Variants in SLCO1B3 observed in about 807,000 individuals in gnomAD.
SLCO1B3 encodes the protein liver-specific organic anion transporter 2.
SLCO1B3 carries 72 observed loss-of-function variants against 71.8 expected under a neutral mutation model. The ratio of observed to expected loss-of-function variants is 1.00; its 90% CI spans 0.83 to 1.22. The LOEUF is 1.22. Among genes scored for constraint, SLCO1B3 ranks in the 50% most tolerant of loss-of-function variants. The probability of loss-of-function intolerance (pLI) is 0.00; values close to 1 mark genes in which losing one functional copy is unlikely to be tolerated. For synonymous variants in SLCO1B3, 298 were observed against 278.4 expected (o/e 1.07, Z -0.70); for missense variants, 911 against 819.7 (o/e 1.11, Z -1.36).
At chr12:20,811,628 C>T (rs933416890) in intron 1 of SLCO1B3, among the ~76,000 whole-genome samples, 2 of 152,172 alleles carry the variant, frequency 1.3e-5, no homozygotes, top group Non-Finnish European at 2.9e-5. Flanking sequence ...CTGCCCTCTA[C>T]TTCAGCCCAA....
rs1246278518 is a variant in SLCO1B3 at position 20,882,031 on chromosome 12, G to A, written c.1497+1011G>A. Among the ~76,000 whole-genome samples the A allele has an allele frequency of 2.0e-5, 3 of 152,232 alleles. No homozygotes were observed. The South Asian group carries it at 6.2e-4, about 32-fold the overall frequency. ...TAAACTTGCACATTTGTGGCCCAAAGACTATACTTAAAAGCCCACATCTCA... is the reference window on the plus strand; with the variant it reads ...TAAACTTGCACATTTGTGGCCCAAAAACTATACTTAAAAGCCCACATCTCA... On this transcript the variant is annotated intron_variant, in intron 12 of 15. Transcript: ENST00000381545.
chr12:20,820,388 C>T (rs939689526), intron 3 of SLCO1B3, among the ~76,000 whole-genome samples: 1 of 152,132 alleles, frequency 6.6e-6, no homozygotes, highest in Admixed American at 6.5e-5. Flanking sequence ...GGGTCCCACA[C>T]AGATGGGACA....
At chr12:20,833,172 G>A (rs1007695245) in intron 3 of SLCO1B3, among the ~76,000 whole-genome samples, 1 of 152,058 alleles carries the variant, frequency 6.6e-6, no homozygotes, top group Non-Finnish European at 1.5e-5. Flanking sequence ...CACATTTAAA[G>A]GAGCCTTGTG....
intron 13 of SLCO1B3, among the ~76,000 whole-genome samples, chr12:20,895,999 C>A (rs1865998921): frequency 1.3e-5 from 2 of 152,196 alleles, no homozygotes; most frequent in African/African-American, 4.8e-5. Context: ...AGGCACAGCC[C>A]AAGCTCTACA....
Position 20,879,399 on chromosome 12 carries a change from G to C in SLCO1B3, c.1136-37G>C, listed in dbSNP as rs368041691. 1.6e-5 allele frequency: 22 copies of C among 1,396,946 alleles called. No individual in the cohort carries two copies. In the South Asian group the frequency reaches 2.5e-4, roughly 16 times the overall value. 86.5% of individuals were successfully genotyped at this position (1,396,946 alleles called of 1,614,324 possible). A position where few individuals can be genotyped will look rare whatever the true frequency, so the allele number is the denominator to read the frequency against. On this transcript the variant is annotated intron_variant, in intron 10 of 15. Coordinates refer to ENST00000381545, the MANE Select transcript of SLCO1B3 (RefSeq NM_019844.4). The stretch of plus-strand genomic sequence containing the variant: ...AAGACATATCAGAAAAACCATATTT[G>C]TATAATTATAGCTTTTTTCTCTTCT...
At chr12:20,885,421 G>T (rs1865774644) in intron 13 of SLCO1B3, among the ~76,000 whole-genome samples, 2 of 151,974 alleles carry the variant, frequency 1.3e-5, no homozygotes, top group Admixed American at 1.3e-4. Context: ...GCATCCAGTG[G>T]GGATAGGGTA....
intron 13 of SLCO1B3, among the ~76,000 whole-genome samples, chr12:20,884,368 G>T (rs1315642185): frequency 6.6e-6 from 1 of 152,040 alleles, no homozygotes; most frequent in Non-Finnish European, 1.5e-5. Context: ...GGGATGTGAG[G>T]GGAAAGACTC....
intron 12 of SLCO1B3, among the ~76,000 whole-genome samples, chr12:20,881,966 A>C (rs1231355760): frequency 2.6e-5 from 4 of 152,214 alleles, no homozygotes; most frequent in Non-Finnish European, 5.9e-5. Flanking sequence ...TTTGAAGAAT[A>C]AAGCCTCCTA....
intron 3 of SLCO1B3, among the ~76,000 whole-genome samples, chr12:20,821,646 C>T (rs1274413958): frequency 2.6e-5 from 4 of 152,118 alleles, no homozygotes; most frequent in East Asian, 3.9e-4. Context: ...GGGTACTTGC[C>T]CCTCCCCCAG....
chr12:20,901,446 T>G lies in SLCO1B3; in HGVS notation c.1844T>G (p.Ile615Arg). 6.5e-7 allele frequency: 1 copy of G among 1,541,980 alleles called. No homozygotes were observed. ...NSCGAQGACR[I>R]YNSVFFGRVY... ...TGTGGAGCACAAGGGGCTTGTAGGA[T>G]ATATAATTCCGTATTTTTTGGGTAA... Residue 615 changes from isoleucine (I) to arginine (R), a missense_variant, in exon 15 of 16, where the codon ATA becomes AGA. By Grantham distance (97) the Ile-to-Arg change is moderately conservative (BLOSUM62 -3). Coordinates refer to ENST00000381545, the MANE Select transcript of SLCO1B3 (RefSeq NM_019844.4).
chr12:20,895,115 C>G (rs148787693), intron 13 of SLCO1B3, among the ~76,000 whole-genome samples: 2 of 152,308 alleles, frequency 1.3e-5, no homozygotes, highest in Non-Finnish European at 2.9e-5. Flanking sequence ...CCTCCAACAA[C>G]ACGTGGGAAT....
Position 20,862,426 on chromosome 12 carries a change from T to G in SLCO1B3, c.496T>G (p.Ser166Ala). ...EIVEKDCVKE[S>A]GSHMWIYVFM... The stretch of plus-strand genomic sequence containing the variant: ...TGTCTCGATAGATTGTGTAAAGGAA[T>G]CTGGGTCACACATGTGGATCTATGT... The change falls in exon 7 of 16, where the codon TCT (serine) becomes GCT (alanine). Residue 166 changes from serine to alanine, a missense_variant. Coordinates refer to ENST00000381545, the MANE Select transcript of SLCO1B3 (RefSeq NM_019844.4). The G allele has an allele frequency of 1.2e-6, 2 of 1,611,710 alleles. No homozygotes were observed. Among genetic ancestry groups the G allele is most frequent in the Non-Finnish European group, 1.7e-6 (2 of 1,179,096 alleles).
chr12:20,833,593 A>G (rs1201624712), intron 3 of SLCO1B3, among the ~76,000 whole-genome samples: 1 of 148,538 alleles, frequency 6.7e-6, no homozygotes, highest in African/African-American at 2.4e-5. Flanking sequence ...CATATATTGC[A>G]TATATACACT....
intron 3 of SLCO1B3, among the ~76,000 whole-genome samples, chr12:20,847,663 T>C (rs1849403523): frequency 1.3e-5 from 2 of 151,974 alleles, no homozygotes; most frequent in Admixed American, 1.3e-4. Context: ...AATTTTAAGA[T>C]AGGCCAATTG....
chr12:20,862,685 C>T (rs1271610081), intron 7 of SLCO1B3, 71 bp from the exon 8 acceptor site: 1 of 1,453,104 alleles, frequency 6.9e-7, no homozygotes, highest in Non-Finnish European at 9.5e-7. Flanking sequence ...TATAATATTA[C>T]TTTTAAAAGC....
intron 9 of SLCO1B3, among the ~76,000 whole-genome samples, chr12:20,876,264 G>C (rs11045577): frequency 0.53 from 80,530 of 151,780 alleles, 24,098 homozygotes; most frequent in South Asian, 0.77. Context: ...CCATTGAGAA[G>C]CAATAATCAA....
chr12:20,841,429 A>C (rs944149154), intron 3 of SLCO1B3, among the ~76,000 whole-genome samples: 7 of 151,582 alleles, frequency 4.6e-5, no homozygotes, highest in Non-Finnish European at 7.4e-5. Context: ...TAATTAATAC[A>C]CAAGTTATTT....
intron 3 of SLCO1B3, among the ~76,000 whole-genome samples, chr12:20,818,904 C>T (rs561006733): frequency 3.3e-5 from 5 of 152,234 alleles, no homozygotes; most frequent in South Asian, 2.1e-4. Flanking sequence ...GATTGAAGTC[C>T]GGGCCAGGAA....
chr12:20,872,389 C>G (rs940285297), intron 8 of SLCO1B3, among the ~76,000 whole-genome samples: 2 of 151,840 alleles, frequency 1.3e-5, no homozygotes, highest in African/African-American at 2.4e-5. Context: ...GTCCTGGACT[C>G]AGGGACCCCA....
Sources: allele counts gnomAD v4.1 joint callset (sites outside exome capture counted in the v4.1 genomes callset), GRCh38; gene constraint gnomAD v4.1.1; transcripts MANE v1.5; gene names NCBI Gene and HGNC (gene_info 2026-07-23, HGNC 2026-07-21).